Variants in ABTB3 observed in about 807,000 individuals in gnomAD.
ABTB3 encodes the protein ankyrin repeat- and BTB/POZ domain-containing protein 3.
chr12:107,622,013 G>A, the ABTB3 span, among the ~76,000 whole-genome samples: 1 of 152,140 alleles, frequency 6.6e-6, no homozygotes, highest in African/African-American at 2.4e-5. Flanking sequence ...GGCCGAGGTG[G>A]GAGGATTGCT....
At chr12:107,592,452 A>C in the ABTB3 span, among the ~76,000 whole-genome samples, 1 of 152,222 alleles carries the variant, frequency 6.6e-6, no homozygotes, top group Non-Finnish European at 1.5e-5. Context: ...TCATGAATGC[A>C]TTTTGTAATA....
At chr12:107,629,898 C>T in the ABTB3 span, among the ~76,000 whole-genome samples, 5 of 152,150 alleles carry the variant, frequency 3.3e-5, no homozygotes, top group Non-Finnish European at 7.3e-5. Context: ...CTTATCATCA[C>T]AGTCTGACCT....
chr12:107,657,383 G>T, the ABTB3 span: 1 of 807,494 alleles, frequency 1.2e-6, no homozygotes. Flanking sequence ...GTGTGCTGGG[G>T]AATCAGAGAC....
chr12:107,435,462 C>T, the ABTB3 span, among the ~76,000 whole-genome samples: 1 of 152,220 alleles, frequency 6.6e-6, no homozygotes, highest in Non-Finnish European at 1.5e-5. Flanking sequence ...ATTCATTCAT[C>T]TACTTGTTGA....
the ABTB3 span, among the ~76,000 whole-genome samples, chr12:107,638,657 A>G: frequency 6.6e-6 from 1 of 152,188 alleles, no homozygotes; most frequent in South Asian, 2.1e-4. Flanking sequence ...TTGAACCTCT[A>G]CTAATAGTAT....
the ABTB3 span, among the ~76,000 whole-genome samples, chr12:107,393,873 T>C: frequency 3.9e-5 from 6 of 151,906 alleles, no homozygotes; most frequent in South Asian, 1.0e-3. Context: ...GAGCTTGCAG[T>C]GGGCCGAGAT....
chr12:107,474,931 A>G, the ABTB3 span, among the ~76,000 whole-genome samples: 1 of 152,166 alleles, frequency 6.6e-6, no homozygotes, highest in Non-Finnish European at 1.5e-5. Context: ...TTAAGGGACC[A>G]GTCCCATCAG....
At chr12:107,480,763 T>C in the ABTB3 span, among the ~76,000 whole-genome samples, 2 of 152,062 alleles carry the variant, frequency 1.3e-5, no homozygotes, top group East Asian at 3.9e-4. Flanking sequence ...TCATGGGAGA[T>C]GGCCCACTGC....
At chr12:107,566,754 T>C in the ABTB3 span, among the ~76,000 whole-genome samples, 2 of 152,138 alleles carry the variant, frequency 1.3e-5, no homozygotes, top group African/African-American at 4.8e-5. Context: ...CCAGGTCTGA[T>C]ACTCTTAGGC....
chr12:107,393,334 A>AGAGGCACTTTG, the ABTB3 span, among the ~76,000 whole-genome samples: 20,572 of 65,616 alleles, frequency 0.31, 1,910 homozygotes, highest in East Asian at 0.58. Context: ...TGTATCAGGC[A>AGAGGCACTTTG]GGGTGGGGGT....
chr12:107,370,757 ATTTTTTTTT>A, the ABTB3 span, among the ~76,000 whole-genome samples: 17 of 87,466 alleles, frequency 1.9e-4, no homozygotes, highest in African/African-American at 4.0e-4. Context: ...CAAAAAAGGG[ATTTTTTTTT>A]TTTTTTTTTT....
chr12:107,568,737 T>TTA, the ABTB3 span, among the ~76,000 whole-genome samples: 9 of 152,208 alleles, frequency 5.9e-5, no homozygotes, highest in Non-Finnish European at 1.3e-4. Context: ...AATATTTTTG[T>TTA]TATTTCTTTC....
the ABTB3 span, among the ~76,000 whole-genome samples, chr12:107,524,886 T>A: frequency 6.6e-6 from 1 of 152,242 alleles, no homozygotes; most frequent in East Asian, 1.9e-4. Flanking sequence ...ATTTGCTCTG[T>A]AGGGTGCACT....
chr12:107,570,958 C>T, the ABTB3 span, among the ~76,000 whole-genome samples: 1 of 152,294 alleles, frequency 6.6e-6, no homozygotes, highest in East Asian at 1.9e-4. Context: ...GCTCTGAGCC[C>T]AGCTGCCTGC....
chr12:107,497,255 T>A, the ABTB3 span, among the ~76,000 whole-genome samples: 1 of 134,108 alleles, frequency 7.5e-6, no homozygotes, highest in Non-Finnish European at 1.7e-5. Context: ...ATCACTATCA[T>A]CACCACCACC....
the ABTB3 span, among the ~76,000 whole-genome samples, chr12:107,441,288 G>T: frequency 6.6e-6 from 1 of 152,166 alleles, no homozygotes; most frequent in Non-Finnish European, 1.5e-5. Context: ...CCACAAAAAG[G>T]AATGAGATCA....
chr12:107,515,750 TG>T, the ABTB3 span, among the ~76,000 whole-genome samples: 1 of 152,152 alleles, frequency 6.6e-6, no homozygotes, highest in African/African-American at 2.4e-5. Context: ...TGAGCATTTC[TG>T]GGAAGGTCTT....
At chr12:107,608,325 T>C in the ABTB3 span, among the ~76,000 whole-genome samples, 2 of 152,144 alleles carry the variant, frequency 1.3e-5, no homozygotes, top group Non-Finnish European at 2.9e-5. Context: ...CCACCCTCCG[T>C]CCTCTCATAG....
At chr12:107,432,714 G>A in the ABTB3 span, among the ~76,000 whole-genome samples, 4 of 152,216 alleles carry the variant, frequency 2.6e-5, no homozygotes, top group African/African-American at 9.6e-5. Context: ...GTTTCTCTAA[G>A]TGTGTACTAT....
Sources: gnomAD v4.1 joint callset for allele counts (sites outside exome capture counted in the v4.1 genomes callset) on GRCh38, gnomAD v4.1.1 for gene constraint, MANE v1.5 for transcripts, NCBI Gene and HGNC (gene_info 2026-07-23, HGNC 2026-07-21) for gene names.